Variants in CNTNAP2 observed in about 807,000 individuals in gnomAD.
CNTNAP2 encodes contactin associated protein 2, also known as contactin-associated protein-like 2.
CNTNAP2 carries 98 observed loss-of-function variants against 155.2 expected under a neutral mutation model. The observed-to-expected ratio is 0.63, with a 90% CI of 0.54 to 0.75. The LOEUF is 0.75. Ranked by LOEUF, CNTNAP2 falls within the 30% of genes least tolerant of loss-of-function variation. The probability of loss-of-function intolerance (pLI) is 0.00; values close to 1 mark genes in which losing one functional copy is unlikely to be tolerated. For missense variants in CNTNAP2, 1,727 were observed against 1,688.1 expected (o/e 1.02, Z -0.40); for synonymous variants, 651 against 631.2 (o/e 1.03, Z -0.47).
chr7:146,918,476 A>T (rs371856096), intron 3 of CNTNAP2, among the ~76,000 whole-genome samples: 1 of 152,130 alleles, frequency 6.6e-6, no homozygotes, highest in African/African-American at 2.4e-5. Flanking sequence ...TTGCCTGACA[A>T]TGTTTGGTTT....
At chr7:146,958,232 C>T (rs950153302) in intron 3 of CNTNAP2, among the ~76,000 whole-genome samples, 1 of 151,988 alleles carries the variant, frequency 6.6e-6, no homozygotes, top group African/African-American at 2.4e-5. Context: ...TTTGATCTTC[C>T]TTGAGAAATA....
At chr7:146,964,406 A>G (rs1426563592) in intron 3 of CNTNAP2, among the ~76,000 whole-genome samples, 1 of 152,222 alleles carries the variant, frequency 6.6e-6, no homozygotes, top group African/African-American at 2.4e-5. Flanking sequence ...CAGATGTCTT[A>G]ATAGAAGACA....
intron 21 of CNTNAP2, among the ~76,000 whole-genome samples, chr7:148,363,851 G>A (rs965120604): frequency 4.1e-5 from 6 of 145,672 alleles, no homozygotes; most frequent in Non-Finnish European, 7.5e-5. Flanking sequence ...GGCTGCGTGC[G>A]GGCCAGCTGG....
At chr7:148,034,534 C>G (rs753740684) in intron 15 of CNTNAP2, among the ~76,000 whole-genome samples, 37 of 152,170 alleles carry the variant, frequency 2.4e-4, no homozygotes, top group African/African-American at 8.9e-4. Context: ...AAGGTCCTTA[C>G]GAGATGCCAG....
chr7:147,292,661 C>A (rs1427373331), intron 8 of CNTNAP2, among the ~76,000 whole-genome samples: 1 of 152,102 alleles, frequency 6.6e-6, no homozygotes. Flanking sequence ...AAGATAAGGA[C>A]CACTACCTAG....
intron 1 of CNTNAP2, among the ~76,000 whole-genome samples, chr7:146,396,503 G>A (rs1795629066): frequency 6.6e-6 from 1 of 151,766 alleles, no homozygotes. Flanking sequence ...ATTGCAATTA[G>A]AGTTTACTTG....
intron 1 of CNTNAP2, among the ~76,000 whole-genome samples, chr7:146,121,997 T>G (rs1450680643): frequency 1.3e-5 from 2 of 152,218 alleles, no homozygotes; most frequent in Non-Finnish European, 2.9e-5. Flanking sequence ...TCTGAGCAGA[T>G]AAGGATGTTG....
chr7:146,885,319 A>T (rs1795634363), intron 3 of CNTNAP2, among the ~76,000 whole-genome samples: 2 of 152,190 alleles, frequency 1.3e-5, no homozygotes, highest in African/African-American at 4.8e-5. Context: ...TTAAAAAATG[A>T]ATTATTAACA....
intron 1 of CNTNAP2, among the ~76,000 whole-genome samples, chr7:146,410,587 A>C (rs908078382): frequency 2.0e-5 from 3 of 152,054 alleles, no homozygotes; most frequent in African/African-American, 7.2e-5. Flanking sequence ...TGTACAGACT[A>C]TTTCATCACC....
chr7:147,476,869 G>T (rs552541754), intron 10 of CNTNAP2, among the ~76,000 whole-genome samples: 2 of 150,528 alleles, frequency 1.3e-5, no homozygotes, highest in East Asian at 2.0e-4. Flanking sequence ...CGGAGGTTGC[G>T]GTGAGCTGAG....
chr7:146,757,281 A>G (rs533043813), intron 1 of CNTNAP2, among the ~76,000 whole-genome samples: 1 of 152,188 alleles, frequency 6.6e-6, no homozygotes, highest in East Asian at 1.9e-4. Flanking sequence ...TACTTTGATG[A>G]TTTATCTACG....
intron 8 of CNTNAP2, among the ~76,000 whole-genome samples, chr7:147,148,630 A>G (rs1462165863): frequency 1.3e-5 from 2 of 151,932 alleles, no homozygotes; most frequent in African/African-American, 4.8e-5. Context: ...GTTCCTTCTG[A>G]TGTTCAGATG....
chr7:147,626,256 T>C (rs1439420648), intron 12 of CNTNAP2, among the ~76,000 whole-genome samples: 1 of 152,070 alleles, frequency 6.6e-6, no homozygotes, highest in Non-Finnish European at 1.5e-5. Context: ...AGGGCCATGC[T>C]TGCTTTTTTA....
At chr7:148,273,086 T>C (rs34820935) in intron 21 of CNTNAP2, among the ~76,000 whole-genome samples, 55,790 of 152,090 alleles carry the variant, frequency 0.37, 11,710 homozygotes, top group East Asian at 0.6. Flanking sequence ...TTTTCAAAAG[T>C]GAGTGGTCTC....
At chr7:147,593,637 A>G (rs1227219307) in intron 12 of CNTNAP2, among the ~76,000 whole-genome samples, 1 of 152,170 alleles carries the variant, frequency 6.6e-6, no homozygotes, top group Non-Finnish European at 1.5e-5. Flanking sequence ...CAAATTGCTT[A>G]GAACTGTACT....
intron 14 of CNTNAP2, among the ~76,000 whole-genome samples, chr7:147,945,840 CTCTTT>C (rs200292303): frequency 6.7e-6 from 1 of 149,616 alleles, no homozygotes; most frequent in South Asian, 2.1e-4. Flanking sequence ...CCACTTACTT[CTCTTT>C]TCTTTTCTTT....
chr7:147,555,490 G>A (rs1799935880), intron 11 of CNTNAP2, among the ~76,000 whole-genome samples: 1 of 152,178 alleles, frequency 6.6e-6, no homozygotes, highest in Non-Finnish European at 1.5e-5. Context: ...GCATTCATAA[G>A]CGATTGATGG....
At chr7:146,866,119 A>G (rs941723242) in intron 3 of CNTNAP2, among the ~76,000 whole-genome samples, 6 of 152,204 alleles carry the variant, frequency 3.9e-5, no homozygotes, top group Middle Eastern at 3.4e-3. Flanking sequence ...TATCATTCCA[A>G]TGTTCCCCCC....
At position 146,638,476 on chromosome 7, in the gene CNTNAP2, C is replaced by CTTTTTTTTTTTTTTTTTTTTTTT. The variant is rs879600389; in HGVS notation, c.98-135773_98-135772insTTTTTTTTTTTTTTTTTTTTTTT. ...AACAGTTTAATACAGTCAGGTGTTT[C>CTTTTTTTTTTTTTTTTTTTTTTT]TTTTTTTTTTTTTTTTTTTTTTCTT... On this transcript the variant is annotated intron_variant, in intron 1 of 23. Transcript: ENST00000361727. 5.9e-4 allele frequency among the ~76,000 whole-genome samples: 38 copies of CTTTTTTTTTTTTTTTTTTTTTTT among 64,344 alleles called. 2 individuals are homozygous for CTTTTTTTTTTTTTTTTTTTTTTT. The highest frequency in any genetic ancestry group is 0.011 in the Middle Eastern group (1 of 94). The allele number at this position is 64,344 out of a possible 152,430, so 42.2% of individuals were successfully genotyped here.
Sources: gnomAD v4.1 joint callset for allele counts (sites outside exome capture counted in the v4.1 genomes callset) on GRCh38, gnomAD v4.1.1 for gene constraint, MANE v1.5 for transcripts, NCBI Gene and HGNC (gene_info 2026-07-23, HGNC 2026-07-21) for gene names.